TRPM3: variants seen among roughly 807,000 people sequenced by gnomAD.
TRPM3 encodes long transient receptor potential channel 3.
Under a neutral mutation model 181.2 loss-of-function variants are expected in TRPM3, and 77 were observed. That is an observed-to-expected ratio of 0.42 (90% CI 0.35 to 0.51). The LOEUF is 0.51. Among genes scored for constraint, TRPM3 ranks in the 20% least tolerant of loss-of-function variants. The pLI, the probability that TRPM3 is intolerant of heterozygous loss-of-function variation, is 0.01. For synonymous variants in TRPM3, 745 were observed against 796.4 expected, an observed-to-expected ratio of 0.94 and a Z score of 1.09; for missense variants, 1,759 against 2,196.7, an observed-to-expected ratio of 0.80 and a Z score of 3.98.
At chr9:70,817,276 G>C (rs182179893) in intron 6 of TRPM3, among the ~76,000 whole-genome samples, 1 of 152,172 alleles carries the variant, frequency 6.6e-6, no homozygotes, top group Non-Finnish European at 1.5e-5. Context: ...CTGTGCCTTC[G>C]AAAGGAAGGG....
At chr9:71,216,747 A>T (rs1461591754) in intron 1 of TRPM3, among the ~76,000 whole-genome samples, 1 of 152,176 alleles carries the variant, frequency 6.6e-6, no homozygotes, top group African/African-American at 2.4e-5. Flanking sequence ...GTATCTTAAC[A>T]GCACTAGGCA....
chr9:70,542,893 C>T (rs900414873), intron 25 of TRPM3, among the ~76,000 whole-genome samples: 1 of 152,170 alleles, frequency 6.6e-6, no homozygotes, highest in Non-Finnish European at 1.5e-5. Flanking sequence ...CTTGCTTATC[C>T]ACAGACTGAT....
In TRPM3 at chr9:71,331,352, C is replaced by T. The variant is rs181886240; in HGVS notation, c.183+115301G>A. On this transcript the variant is annotated intron_variant, in intron 1 of 24. Transcript: ENST00000357533. ...AACTAGCCACACATTAATTTTGCCT[C>T]GTAATAAATATCCTTCATGTTTATC... Among the ~76,000 whole-genome samples the T allele has an allele frequency of 9.9e-5, 15 of 151,846 alleles. No individual in the cohort carries two copies. The East Asian group carries it at 1.2e-3, about 12-fold the overall frequency.
chr9:71,181,066 T>G (rs1364675904), intron 1 of TRPM3, among the ~76,000 whole-genome samples: 1 of 152,138 alleles, frequency 6.6e-6, no homozygotes, highest in Non-Finnish European at 1.5e-5. Context: ...ACCCAGACAC[T>G]TCACGAGTTG....
At chr9:71,237,170 G>A (rs1173873822) in intron 1 of TRPM3, among the ~76,000 whole-genome samples, 1 of 152,072 alleles carries the variant, frequency 6.6e-6, no homozygotes, top group Non-Finnish European at 1.5e-5. Flanking sequence ...GTATAGTTTG[G>A]TGCTGTGCTG....
chr9:70,911,930 C>A (rs1439351496), intron 1 of TRPM3, among the ~76,000 whole-genome samples: 1 of 152,220 alleles, frequency 6.6e-6, no homozygotes, highest in African/African-American at 2.4e-5. Flanking sequence ...TTCTCTCCTT[C>A]TGGCAATGGC....
chr9:71,127,435 A>C (rs1460175142), intron 1 of TRPM3, among the ~76,000 whole-genome samples: 1 of 152,016 alleles, frequency 6.6e-6, no homozygotes, highest in Non-Finnish European at 1.5e-5. Context: ...GAGGGACTGG[A>C]CTGTCTGTGT....
rs148596132 is a variant in TRPM3, at chr9:70,617,794, G to A, written c.2358+1073C>T. On this transcript the variant is annotated intron_variant, in intron 17 of 25. Transcript: ENST00000677713. ...AGGCTGACCAACATGATGAAACCCC[G>A]TCTGTACTAGAAATACAAAAATTAG... Among the ~76,000 whole-genome samples, 1,382 of 152,122 alleles carry A rather than the reference G, an allele frequency of 9.1e-3. 6 individuals are homozygous for A. Among genetic ancestry groups the A allele is most frequent in the Admixed American group, 0.019 (288 of 15,274 alleles).
intron 17 of TRPM3, among the ~76,000 whole-genome samples, chr9:70,617,268 G>C (rs75627559): frequency 1.3e-5 from 2 of 152,114 alleles, no homozygotes; most frequent in African/African-American, 4.8e-5. Context: ...CGGGCTTGGC[G>C]GTCACCAGCA....
rs1326344895 is a variant in TRPM3, at chr9:70,535,038, T to G, written c.*915A>C. On this transcript the variant is annotated 3_prime_UTR_variant, in exon 26 of 26. Transcript: ENST00000677713. ...CAGGCTAGTTCTGTCCACTGTTTTT[T>G]TTTTTTTTTTTTTAAGTTCAATATT... 6.3e-6 allele frequency: 1 copy of G among 159,080 alleles called. No individual in the cohort carries two copies. Among genetic ancestry groups the G allele is most frequent in the Non-Finnish European group, 1.4e-5 (1 of 72,740 alleles). 9.9% of individuals were successfully genotyped at this position (159,080 alleles called of 1,614,324 possible). A position where few individuals can be genotyped will look rare whatever the true frequency, so the allele number is the denominator to read the frequency against.
In TRPM3 at chr9:70,949,479, C is replaced by G. The variant is rs59548237; in HGVS notation, c.178-84968G>C. 9.1e-4 allele frequency among the ~76,000 whole-genome samples: 138 copies of G among 152,084 alleles called. No homozygotes were observed. In the Middle Eastern group the frequency reaches 0.014, roughly 15 times the overall value. On this transcript the variant is annotated intron_variant, in intron 1 of 25. Coordinates refer to ENST00000677713, the MANE Select transcript of TRPM3 (RefSeq NM_001366145.2). ...TTCCAGTAAAAGGAGGAAGTGAAAC[C>G]GAAGAGACTGGCAAGGGCAAGATCC... is the stretch of plus-strand genomic sequence containing the variant.
At chr9:71,164,594 A>G (rs920834559) in intron 1 of TRPM3, among the ~76,000 whole-genome samples, 5 of 152,096 alleles carry the variant, frequency 3.3e-5, no homozygotes, top group African/African-American at 1.2e-4. Flanking sequence ...CCTGAAAAGT[A>G]TCTATATAAA....
intron 1 of TRPM3, among the ~76,000 whole-genome samples, chr9:71,277,684 T>C (rs73648002): frequency 0.014 from 2,129 of 152,300 alleles, 58 homozygotes; most frequent in African/African-American, 0.048. Flanking sequence ...AGAAAATGTC[T>C]GCGGTCCAAT....
intron 22 of TRPM3, among the ~76,000 whole-genome samples, chr9:70,560,605 A>G (rs999077273): frequency 1.3e-5 from 2 of 152,232 alleles, no homozygotes; most frequent in Non-Finnish European, 2.9e-5. Flanking sequence ...CAGGATGTCT[A>G]TAAAAGCCTG....
intron 6 of TRPM3, among the ~76,000 whole-genome samples, chr9:70,804,239 A>T (rs1417972250): frequency 6.6e-6 from 1 of 152,158 alleles, no homozygotes; most frequent in South Asian, 2.1e-4. Context: ...CTGAGGCAGG[A>T]GAATCCCTTG....
intron 1 of TRPM3, among the ~76,000 whole-genome samples, chr9:70,969,821 T>C (rs7029696): frequency 1.1e-3 from 168 of 147,000 alleles, no homozygotes; most frequent in African/African-American, 4.1e-3. Context: ...GTGTATGTTA[T>C]ATATATATTT....
intron 9 of TRPM3, among the ~76,000 whole-genome samples, chr9:70,648,093 T>G (rs148721112): frequency 5.3e-4 from 80 of 152,324 alleles, no homozygotes; most frequent in Middle Eastern, 6.8e-3. Flanking sequence ...TAGGAATTAT[T>G]ACTATTGTTA....
intron 1 of TRPM3, among the ~76,000 whole-genome samples, chr9:71,373,334 CAGG>C (rs2092578435): frequency 6.6e-6 from 1 of 150,698 alleles, no homozygotes; most frequent in Non-Finnish European, 1.5e-5. Flanking sequence ...TCAACGAATC[CAGG>C]AGGTGGTTTT....
intron 1 of TRPM3, among the ~76,000 whole-genome samples, chr9:71,055,409 A>C (rs1402913041): frequency 6.6e-6 from 1 of 152,076 alleles, no homozygotes; most frequent in African/African-American, 2.4e-5. Flanking sequence ...AAGATTTCAC[A>C]CAGAGTTTGG....
Sources: allele counts gnomAD v4.1 joint callset (sites outside exome capture counted in the v4.1 genomes callset), GRCh38; gene constraint gnomAD v4.1.1; transcripts MANE v1.5; gene names NCBI Gene and HGNC (gene_info 2026-07-23, HGNC 2026-07-21).